The following XK variants were observed in gnomAD, a reference collection of about 807,000 sequenced individuals.
The protein encoded by XK is X-linked Kx blood group antigen, Kell and VPS13A binding protein, also known as endoplasmic reticulum membrane adapter protein XK.
Under a neutral mutation model 14.0 loss-of-function variants are expected in XK, and 2 were observed. The ratio of observed to expected loss-of-function variants is 0.14; its 90% CI spans 0.06 to 0.45. XK has a LOEUF of 0.45. Ranked by LOEUF, XK falls within the 20% of genes least tolerant of loss-of-function variation. The probability of loss-of-function intolerance (pLI) is 0.98; values close to 1 mark genes in which losing one functional copy is unlikely to be tolerated. For missense variants in XK, 235 were observed against 341.5 expected, an observed-to-expected ratio of 0.69 and a Z score of 2.46; for synonymous variants, 149 against 147.5, an observed-to-expected ratio of 1.01 and a Z score of -0.08.
chrX:37,700,930 CA>C (rs1308485843), intron 2 of XK, among the ~76,000 whole-genome samples: 24 of 104,041 alleles, frequency 2.3e-4, no homozygotes, highest in African/African-American at 5.2e-4. Context: ...GGAAAAAATG[CA>C]AAAAAAAAAG....
intron 1 of XK, among the ~76,000 whole-genome samples, chrX:37,687,158 ATCTCTCTC>A (rs782029572): frequency 4.0e-5 from 4 of 101,115 alleles, no homozygotes; most frequent in Non-Finnish European, 6.0e-5. Context: ...CTACCAGGAA[ATCTCTCTC>A]TCTCTCTCTC....
intron 2 of XK, among the ~76,000 whole-genome samples, chrX:37,724,173 C>A (rs1265781918): frequency 9.0e-6 from 1 of 111,282 alleles, no homozygotes; most frequent in Admixed American, 9.6e-5. Flanking sequence ...AGATGTTTTT[C>A]CATTTATTCG....
chrX:37,694,006 CG>C (rs1927257398), intron 1 of XK, among the ~76,000 whole-genome samples: 1 of 112,057 alleles, frequency 8.9e-6, no homozygotes, highest in East Asian at 2.8e-4. Context: ...GCTCTGGAGC[CG>C]GAACCACTTT....
chrX:37,726,661 G>A (rs782286626), intron 2 of XK, among the ~76,000 whole-genome samples: 14 of 112,190 alleles, frequency 1.2e-4, no homozygotes, highest in Non-Finnish European at 2.1e-4. Flanking sequence ...ATTTAAATGA[G>A]CTACATCTTG....
rs1556450540 is a variant in XK, at chrX:37,728,318, G to A, written c.1191G>A (p.Trp397Ter). The A allele has an allele frequency of 8.3e-7, 1 of 1,210,311 alleles. No individual in the cohort carries two copies. Among genetic ancestry groups the A allele is most frequent in the Non-Finnish European group, 1.1e-6 (1 of 895,158 alleles). ...GFQRWLRCFC[W>*]ACRQQKPCEP... is the part of the protein sequence containing the mutation. ...AGAGGTGGCTCAGGTGTTTTTGCTG[G>A]GCCTGCAGGCAGCAAAAACCCTGTG... The change falls in exon 3 of 3, where the codon TGG becomes TGA. Residue 397 changes from tryptophan (W) to a stop codon, truncating the protein, a stop_gained. Coordinates refer to ENST00000378616, the MANE Select transcript of XK (RefSeq NM_021083.4). LOFTEE classifies it low-confidence loss of function (END_TRUNC).
At chrX:37,704,462 A>G (rs1556444480) in intron 2 of XK, among the ~76,000 whole-genome samples, 1 of 111,492 alleles carries the variant, frequency 9.0e-6, no homozygotes, top group African/African-American at 3.3e-5. Context: ...TCTTGAGCCA[A>G]GGAGTTCTGA....
chrX:37,717,137 T>C (rs1927782808), intron 2 of XK, among the ~76,000 whole-genome samples: 1 of 111,771 alleles, frequency 8.9e-6, no homozygotes, highest in Non-Finnish European at 1.9e-5. Flanking sequence ...TGGTGGATTC[T>C]CCAGACTCCT....
At chrX:37,705,148 T>G (rs1556444667) in intron 2 of XK, among the ~76,000 whole-genome samples, 1 of 111,293 alleles carries the variant, frequency 9.0e-6, no homozygotes, top group African/African-American at 3.3e-5. Context: ...AGATGCTTCA[T>G]AAAACTTAAA....
At chrX:37,691,835 A>G (rs1927209234) in intron 1 of XK, among the ~76,000 whole-genome samples, 1 of 111,866 alleles carries the variant, frequency 8.9e-6, no homozygotes, top group East Asian at 2.8e-4. Context: ...CCTCACAAAA[A>G]ATAAAATTAG....
At chrX:37,709,630 G>T (rs1192199956) in intron 2 of XK, among the ~76,000 whole-genome samples, 4 of 111,670 alleles carry the variant, frequency 3.6e-5, no homozygotes, top group African/African-American at 1.3e-4. Context: ...GTTTTGAGTT[G>T]GTTTCTAGGA....
chrX:37,715,008 T>A (rs1927737910), intron 2 of XK, among the ~76,000 whole-genome samples: 1 of 109,759 alleles, frequency 9.1e-6, no homozygotes, highest in Non-Finnish European at 1.9e-5. Flanking sequence ...AAGCATTATA[T>A]AGGTGTATAG....
intron 2 of XK, among the ~76,000 whole-genome samples, chrX:37,719,154 T>G (rs980621848): frequency 2.7e-5 from 3 of 111,595 alleles, no homozygotes; most frequent in Non-Finnish European, 5.7e-5. Context: ...ATCTTCCAGC[T>G]TCCATTATTT....
chrX:37,693,476 C>CGCGTGTGTGTGTGTGT (rs1556441871), intron 1 of XK, among the ~76,000 whole-genome samples: 1 of 95,935 alleles, frequency 1.0e-5, no homozygotes, highest in Non-Finnish European at 2.1e-5. Flanking sequence ...TCTATCAATT[C>CGCGTGTGTGTGTGTGT]GTGTGTGTGT....
At chrX:37,700,595 G>A (rs1556443575) in intron 2 of XK, among the ~76,000 whole-genome samples, 3 of 111,708 alleles carry the variant, frequency 2.7e-5, no homozygotes, top group African/African-American at 9.8e-5. Context: ...TGGTTGGTGA[G>A]AGCACTGGCC....
At chrX:37,687,272 A>ATT (rs113919955) in intron 1 of XK, among the ~76,000 whole-genome samples, 19 of 99,373 alleles carry the variant, frequency 1.9e-4, no homozygotes, top group African/African-American at 6.2e-4. Context: ...CAAAGTTATA[A>ATT]TTTTTTTTTT....
intron 2 of XK, among the ~76,000 whole-genome samples, chrX:37,726,816 C>T (rs1276156517): frequency 1.8e-5 from 2 of 112,020 alleles, no homozygotes; most frequent in African/African-American, 3.2e-5. Flanking sequence ...GTGAAGTTCT[C>T]GTTTCTTCAG....
chrX:37,728,989 A>G lies in XK; in HGVS notation c.*527A>G, dbSNP rs998074865. On this transcript the variant is annotated 3_prime_UTR_variant, in exon 3 of 3. Coordinates refer to ENST00000378616, the MANE Select transcript of XK (RefSeq NM_021083.4). ...TGGTTTTTGAATAGACAGAGGTTTC[A>G]TTTTCATCTCATTAGGGCTTTTTTG... 8.6e-6 allele frequency: 1 copy of G among 116,601 alleles called. No homozygotes were observed. The highest frequency in any genetic ancestry group is 1.8e-5 in the Non-Finnish European group (1 of 55,961). 9.6% of individuals were successfully genotyped at this position (116,601 alleles called of 1,213,427 possible). A position where few individuals can be genotyped will look rare whatever the true frequency, so the allele number is the denominator to read the frequency against.
At chrX:37,704,379 T>C (rs1927470482) in intron 2 of XK, among the ~76,000 whole-genome samples, 1 of 110,824 alleles carries the variant, frequency 9.0e-6, no homozygotes, top group Admixed American at 9.6e-5. Context: ...TACAAAAATA[T>C]TTTAAAAATT....
At chrX:37,688,755 A>G (rs1400888349) in intron 1 of XK, among the ~76,000 whole-genome samples, 2 of 111,856 alleles carry the variant, frequency 1.8e-5, no homozygotes, top group Non-Finnish European at 3.8e-5. Flanking sequence ...TCTAAACACG[A>G]AGAGTAACCC....
Sources: gnomAD v4.1 joint callset for allele counts (sites outside exome capture counted in the v4.1 genomes callset) on GRCh38, gnomAD v4.1.1 for gene constraint, MANE v1.5 for transcripts, NCBI Gene and HGNC (gene_info 2026-07-23, HGNC 2026-07-21) for gene names.